Variants in LETM1 observed in about 807,000 individuals in gnomAD.
The protein encoded by LETM1 is mitochondrial proton/calcium exchanger protein.
LETM1 carries 50 observed loss-of-function variants against 74.5 expected under a neutral mutation model. The ratio of observed to expected loss-of-function variants is 0.67; its 90% CI spans 0.53 to 0.85. The LOEUF (loss-of-function observed/expected upper bound fraction) is 0.85, where lower values mean the gene tolerates loss of function less well. LETM1 is among the 40% of genes least tolerant of loss of function. The pLI is 0.00. For synonymous variants in LETM1, 446 were observed against 407.1 expected (o/e 1.10, Z -1.15); for missense variants, 824 against 967.8 (o/e 0.85, Z 1.97).
chr4:1,823,272 G>C, intron 8 of LETM1, 141 bp from the exon 9 acceptor site: 2 of 1,186,692 alleles, frequency 1.7e-6, no homozygotes, highest in Non-Finnish European at 2.3e-6. Flanking sequence ...CACTGCCGAG[G>C]TGCTGCCCGC....
At position 1,834,920 on chromosome 4, in the gene LETM1, G is replaced by T. The variant is rs755557252; in HGVS notation, c.801C>A (p.Thr267=). 5.0e-6 allele frequency: 8 copies of T among 1,614,058 alleles called. No homozygotes were observed. The African/African-American group carries it at 1.1e-4, about 22-fold the overall frequency. The change falls in exon 5 of 14, where the codon ACC becomes ACA. Residue 267 remains threonine, a synonymous_variant. Transcript: ENST00000302787. This position sits in a 1 kb window ranked among gnomAD's most constrained non-coding sequence, Gnocchi z 5.0. ...TGTTCTTCAAGGCCATCTCCTCGAT[G>T]GTGTCCTGGAGGAACTTGGCCAGCT... The part of the protein sequence containing the change: ...KLELAKFLQD[T]IEEMALKNKA...
chr4:1,839,604 T>C (rs1421531549), intron 3 of LETM1, among the ~76,000 whole-genome samples: 1 of 152,256 alleles, frequency 6.6e-6, no homozygotes, highest in Non-Finnish European at 1.5e-5. Context: ...CTACTGCCCT[T>C]GTTACAGTCT....
Position 1,823,114 on chromosome 4 carries a change from C to G in LETM1, c.1350G>C (p.Val450=). The G allele has an allele frequency of 1.2e-6, 2 of 1,600,710 alleles. No individual in the cohort carries two copies. The highest frequency in any genetic ancestry group is 1.7e-6 in the Non-Finnish European group (2 of 1,172,536). Residue 450 remains valine, a synonymous_variant, in exon 9 of 14, where the codon GTG becomes GTC. Transcript: ENST00000302787. ...GCTCGCCCTCCACCTCGGCCACTTTCACCTGTGCTTCCTTTGCCTTCAGAA... is the reference window on the plus strand; with the variant it reads ...GCTCGCCCTCCACCTCGGCCACTTTGACCTGTGCTTCCTTTGCCTTCAGAA... ...LPEIVAKEAQ[V]KVAEVEGEQV... is the part of the protein sequence containing the mutation.
At position 1,813,022 on chromosome 4, in the gene LETM1, G is replaced by C. The variant is rs1198423674; in HGVS notation, c.*1402C>G. The stretch of plus-strand genomic sequence containing the variant: ...AGTACACTTGGACAAACGAACACCA[G>C]GCTACTTACACAGGGTGAGAGAATT... On this transcript the variant is annotated 3_prime_UTR_variant, in exon 14 of 14. Coordinates refer to ENST00000302787, the MANE Select transcript of LETM1 (RefSeq NM_012318.3). 2.0e-5 allele frequency: 3 copies of C among 152,370 alleles called. No individual in the cohort carries two copies. Among genetic ancestry groups the C allele is most frequent in the African/African-American group, 7.2e-5 (3 of 41,466 alleles). The allele number at this position is 152,370 out of a possible 1,614,324, so 9.4% of individuals were successfully genotyped here.
At position 1,834,617 on chromosome 4, in the gene LETM1, A is replaced by G; in HGVS notation, c.876+228T>C. On this transcript the variant is annotated intron_variant, in intron 5 of 13. Transcript: ENST00000302787. This position sits in a 1 kb window ranked among gnomAD's most constrained non-coding sequence, Gnocchi z 5.0. ...GCAGGGTGATGAGACACAGACGCCC[A>G]TAATTCTGAAGGCTGACGAGGCGCA... 1 of 1,369,492 alleles carries G rather than the reference A, an allele frequency of 7.3e-7. No individual in the cohort carries two copies. The highest frequency in any genetic ancestry group is 9.4e-7 in the Non-Finnish European group (1 of 1,061,184). The allele number at this position is 1,369,492 out of a possible 1,614,324, so 84.8% of individuals were successfully genotyped here. A position where few individuals can be genotyped will look rare whatever the true frequency, so the allele number is the denominator to read the frequency against.
At chr4:1,843,089 C>A in intron 2 of LETM1, 3 of 268,406 alleles carry the variant, frequency 1.1e-5, no homozygotes, top group South Asian at 3.3e-5. Flanking sequence ...ACGCCAGCAG[C>A]AAGGCCCGAG....
intron 3 of LETM1, among the ~76,000 whole-genome samples, chr4:1,839,706 C>T (rs1712618185): frequency 6.6e-6 from 1 of 152,214 alleles, no homozygotes; most frequent in African/African-American, 2.4e-5. Flanking sequence ...ACTAATCTTC[C>T]CAACTTCCTG....
At chr4:1,823,215 TC>T in intron 8 of LETM1, 84 bp from the exon 9 acceptor site, 1 of 1,462,082 alleles carries the variant, frequency 6.8e-7, no homozygotes, top group Non-Finnish European at 9.2e-7. Flanking sequence ...GTGTCCTGTG[TC>T]CCCTGCCCCG....
intron 6 of LETM1, among the ~76,000 whole-genome samples, chr4:1,828,354 G>C (rs1216877674): frequency 8.3e-6 from 1 of 120,818 alleles, no homozygotes; most frequent in African/African-American, 3.4e-5. Context: ...CCTCCCGGAC[G>C]GGGCGGCTGG....
intron 1 of LETM1, among the ~76,000 whole-genome samples, chr4:1,852,569 A>G (rs1407453255): frequency 6.6e-6 from 1 of 152,166 alleles, no homozygotes; most frequent in Non-Finnish European, 1.5e-5. Context: ...ACCTCAATCT[A>G]TCTAAGGGCC....
intron 6 of LETM1, among the ~76,000 whole-genome samples, chr4:1,830,701 C>A (rs1300593813): frequency 6.6e-6 from 1 of 152,162 alleles, no homozygotes; most frequent in East Asian, 1.9e-4. Context: ...TTGCCCAGAT[C>A]TGTTTTTCAC....
intron 6 of LETM1, among the ~76,000 whole-genome samples, chr4:1,828,759 C>T (rs1320306100): frequency 1.5e-4 from 20 of 135,706 alleles, no homozygotes; most frequent in Non-Finnish European, 2.5e-4. Context: ...CAGGGGCGGC[C>T]GGGCAGAGGC....
rs1712480521 is a variant in LETM1, at chr4:1,836,954, C to T, written c.595-382G>A. Among the ~76,000 whole-genome samples, 2 of 152,198 alleles carry T rather than the reference C, an allele frequency of 1.3e-5. No individual in the cohort carries two copies. The highest frequency in any genetic ancestry group is 1.5e-5 in the Non-Finnish European group (1 of 68,042). ...AGAGTCACCAGGATAGGCTGAGCCA[C>T]ACCTTCTCTTGGAGGGTGCTCTATA... is the stretch of plus-strand genomic sequence containing the variant. On this transcript the variant is annotated intron_variant, in intron 3 of 13. Coordinates refer to ENST00000302787, the MANE Select transcript of LETM1 (RefSeq NM_012318.3). This position sits in a 1 kb window ranked among gnomAD's most constrained non-coding sequence, Gnocchi z 5.8.
Position 1,823,710 on chromosome 4 carries a change from G to C in LETM1, c.1266C>G (p.Tyr422Ter). 1.2e-6 allele frequency: 2 copies of C among 1,613,942 alleles called. No homozygotes were observed. The highest frequency in any genetic ancestry group is 1.7e-6 in the Non-Finnish European group (2 of 1,179,940). The change falls in exon 8 of 14, where the codon TAC (tyrosine) becomes TAG (stop). Residue 422 changes from tyrosine to a stop codon, truncating the protein, a stop_gained. Coordinates refer to ENST00000302787, the MANE Select transcript of LETM1 (RefSeq NM_012318.3). LOFTEE classifies it high-confidence loss of function. ...CGGCTGGAGAGAGGGTGTCCGGGAG[G>C]TACATGGCCCGGGACAGGATGAGCA... is the stretch of plus-strand genomic sequence containing the variant. ...TSLLILSRAM[Y>*]LPDTLSPADQ...
At chr4:1,849,354 T>C (rs959638291) in intron 1 of LETM1, 145 bp from the exon 2 acceptor site, 17 of 631,546 alleles carry the variant, frequency 2.7e-5, no homozygotes, top group African/African-American at 2.4e-4. Context: ...AACCTCCACC[T>C]CCTGGGTTTA....
chr4:1,822,084 G>T, intron 10 of LETM1, 97 bp downstream of exon 10: 1 of 1,216,334 alleles, frequency 8.2e-7, no homozygotes, highest in Non-Finnish European at 1.1e-6. Context: ...GGCTATAGAT[G>T]CCCCAGCTAA....
At chr4:1,829,997 T>C (rs981217485) in intron 6 of LETM1, among the ~76,000 whole-genome samples, 1 of 152,244 alleles carries the variant, frequency 6.6e-6, no homozygotes, top group Non-Finnish European at 1.5e-5. Context: ...CAGGGTTCAC[T>C]CAGCTTCTGA....
At position 1,832,792 on chromosome 4, in the gene LETM1, C is replaced by T; in HGVS notation, c.1032G>A (p.Leu344=). 6.2e-7 allele frequency: 1 copy of T among 1,614,220 alleles called. No homozygotes were observed. Among genetic ancestry groups the T allele is most frequent in the Non-Finnish European group, 8.5e-7 (1 of 1,180,052 alleles). Residue 344 remains leucine (L), a synonymous_variant, in exon 6 of 14, where the codon CTG becomes CTA. Coordinates refer to ENST00000302787, the MANE Select transcript of LETM1 (RefSeq NM_012318.3). ...ELQSIGTNNF[L]RFQLTMRLRS... is the part of the protein sequence containing the mutation. ...GCAGCCGCATGGTAAGCTGGAAGCG[C>T]AGGAAGTTGTTGGTGCCGATGGACT...
At chr4:1,841,135 A>C (rs1229163203) in intron 3 of LETM1, among the ~76,000 whole-genome samples, 1 of 152,160 alleles carries the variant, frequency 6.6e-6, no homozygotes, top group Non-Finnish European at 1.5e-5. Flanking sequence ...GGATCATTTA[A>C]GCCCAGGAGC....
Sources: allele counts gnomAD v4.1 joint callset (sites outside exome capture counted in the v4.1 genomes callset), GRCh38; gene constraint gnomAD v4.1.1; non-coding constraint Gnocchi (gnomAD v3.1); transcripts MANE v1.5; gene names NCBI Gene and HGNC (gene_info 2026-07-23, HGNC 2026-07-21).